Variants in GALNT18 observed in about 807,000 individuals in gnomAD.
The protein encoded by GALNT18 is polypeptide N-acetylgalactosaminyltransferase 18, also known as GalNAc-transferase 18.
Under a neutral mutation model 69.5 loss-of-function variants are expected in GALNT18, and 44 were observed. That is an observed-to-expected ratio of 0.63 (90% confidence interval 0.50 to 0.81). GALNT18 has a LOEUF of 0.81. GALNT18 is among the 40% of genes least tolerant of loss of function. GALNT18 has a pLI of 0.00. For synonymous variants in GALNT18, 364 were observed against 318.2 expected (o/e 1.14, Z -1.53); for missense variants, 715 against 810.0 (o/e 0.88, Z 1.42).
intron 1 of GALNT18, among the ~76,000 whole-genome samples, chr11:11,615,255 A>G (rs1011073643): frequency 1.3e-5 from 2 of 152,248 alleles, no homozygotes; most frequent in Admixed American, 6.5e-5. Context: ...GGAGACAGAA[A>G]AACATCCAAG....
Position 11,340,674 on chromosome 11 carries a change from A to G in GALNT18, c.1278+145T>C, listed in dbSNP as rs1241672061. The stretch of plus-strand genomic sequence containing the variant: ...CCTCATGGCCCCTTTTCTTCAGCAA[A>G]TAATATGTTTTGGGGTTGAGAGTCC... On this transcript the variant is annotated intron_variant, in intron 7 of 10. Coordinates refer to ENST00000227756, the MANE Select transcript of GALNT18 (RefSeq NM_198516.3). This position sits in a 1 kb window ranked among gnomAD's most constrained non-coding sequence, Gnocchi z 4.2. The G allele has an allele frequency of 5.7e-6, 4 of 697,160 alleles. No homozygotes were observed. Among genetic ancestry groups the G allele is most frequent in the Non-Finnish European group, 9.3e-6 (4 of 430,216 alleles). 43.2% of individuals were successfully genotyped at this position (697,160 alleles called of 1,614,324 possible). A position where few individuals can be genotyped will look rare whatever the true frequency, so the allele number is the denominator to read the frequency against.
rs1224006636 is a variant in GALNT18 at position 11,555,576 on chromosome 11, T to C, written c.235+65783A>G. Among the ~76,000 whole-genome samples, 1 of 152,212 alleles carries C rather than the reference T, an allele frequency of 6.6e-6. No homozygotes were observed. The highest frequency in any genetic ancestry group is 2.4e-5 in the African/African-American group (1 of 41,454). ...TCTAATCTCCAGAACTATGAGAGAA[T>C]AAATTCCTGTTGTTTTAAGCCACCC... is the stretch of plus-strand genomic sequence containing the variant. On this transcript the variant is annotated intron_variant, in intron 1 of 10. Coordinates refer to ENST00000227756, the MANE Select transcript of GALNT18 (RefSeq NM_198516.3). The surrounding 1 kb of genome is among the most constrained non-coding windows in gnomAD (Gnocchi z 4.7).
chr11:11,509,938 A>T (rs1428107042), intron 1 of GALNT18, among the ~76,000 whole-genome samples: 1 of 152,214 alleles, frequency 6.6e-6, no homozygotes, highest in Non-Finnish European at 1.5e-5. Context: ...TTTGTATAAG[A>T]CACAGCATCG....
chr11:11,280,835 C>G (rs890272469), intron 10 of GALNT18, among the ~76,000 whole-genome samples: 2 of 152,186 alleles, frequency 1.3e-5, no homozygotes, highest in Non-Finnish European at 2.9e-5. Context: ...TCAAGTTGTC[C>G]TCTCAAACTG....
At chr11:11,513,058 C>T (rs971835212) in intron 1 of GALNT18, among the ~76,000 whole-genome samples, 6 of 152,164 alleles carry the variant, frequency 3.9e-5, no homozygotes, top group African/African-American at 1.4e-4. Flanking sequence ...ACAACAGGCA[C>T]CCCTCCCTTC....
chr11:11,447,827 A>C, intron 2 of GALNT18, among the ~76,000 whole-genome samples: 1 of 152,352 alleles, frequency 6.6e-6, no homozygotes, highest in East Asian at 1.9e-4. Context: ...TATGGGAACT[A>C]CAATTCAAGA....
chr11:11,592,945 T>C lies in GALNT18; in HGVS notation c.235+28414A>G, dbSNP rs550175381. On this transcript the variant is annotated intron_variant, in intron 1 of 10. Coordinates refer to ENST00000227756, the MANE Select transcript of GALNT18 (RefSeq NM_198516.3). The surrounding 1 kb of genome is among the most constrained non-coding windows in gnomAD (Gnocchi z 5.9). ...TTTTTTTCTGTTTGTTTTTTGTTTT[T>C]GTCTCTGTCTCCCAGGCTGGAGTGC... is the stretch of plus-strand genomic sequence containing the variant. Among the ~76,000 whole-genome samples the C allele has an allele frequency of 6.6e-6, 1 of 152,186 alleles. No homozygotes were observed. The highest frequency in any genetic ancestry group is 1.5e-5 in the Non-Finnish European group (1 of 68,034).
chr11:11,587,833 A>G lies in GALNT18; in HGVS notation c.235+33526T>C, dbSNP rs1859262288. On this transcript the variant is annotated intron_variant, in intron 1 of 10. Transcript: ENST00000227756. This position sits in a 1 kb window ranked among gnomAD's most constrained non-coding sequence, Gnocchi z 4.4. ...CCCTTTCATTTCATGAACCTCTTCT[A>G]TGGTCCAAAGAATAATAAGAACACA... is the stretch of plus-strand genomic sequence containing the variant. Among the ~76,000 whole-genome samples, 1 of 151,994 alleles carries G rather than the reference A, an allele frequency of 6.6e-6. No homozygotes were observed. The highest frequency in any genetic ancestry group is 6.6e-5 in the Admixed American group (1 of 15,254).
rs1476021497 is a variant in GALNT18 at position 11,543,387 on chromosome 11, G to C, written c.235+77972C>G. Among the ~76,000 whole-genome samples the C allele has an allele frequency of 6.6e-6, 1 of 152,162 alleles. No individual in the cohort carries two copies. Among genetic ancestry groups the C allele is most frequent in the Non-Finnish European group, 1.5e-5 (1 of 68,028 alleles). On this transcript the variant is annotated intron_variant, in intron 1 of 10. Coordinates refer to ENST00000227756, the MANE Select transcript of GALNT18 (RefSeq NM_198516.3). This position sits in a 1 kb window ranked among gnomAD's most constrained non-coding sequence, Gnocchi z 5.1. ...GCTGGAGTGACAGGGACGTGGTGAG[G>C]ACAAAGGAGCCTCGATGGAGACCCA... is the stretch of plus-strand genomic sequence containing the variant.
chr11:11,431,328 T>C (rs1239556388), intron 3 of GALNT18, among the ~76,000 whole-genome samples: 1 of 152,140 alleles, frequency 6.6e-6, no homozygotes, highest in Non-Finnish European at 1.5e-5. Context: ...TCAGGCTGTC[T>C]GGCATTAGTC....
chr11:11,332,703 G>C lies in GALNT18; in HGVS notation c.1407C>G (p.Ala469=). The change falls in exon 8 of 11, where the codon GCC becomes GCG. Residue 469 remains alanine (A), a synonymous_variant. Transcript: ENST00000227756. This position sits in a 1 kb window ranked among gnomAD's most constrained non-coding sequence, Gnocchi z 4.3. ...GAGGCCAGCTCCTTACCACTCCATA[G>C]GCAATGATGTCGGAGTACATCCTCA... ...PEMRMYSDII[A]YGVLQNSLKT... is the part of the protein sequence containing the mutation. 6.2e-7 allele frequency: 1 copy of C among 1,614,128 alleles called. No individual in the cohort carries two copies. The highest frequency in any genetic ancestry group is 8.5e-7 in the Non-Finnish European group (1 of 1,180,000).
chr11:11,316,193 G>A (rs4910318), intron 9 of GALNT18, among the ~76,000 whole-genome samples: 26,159 of 152,104 alleles, frequency 0.17, 2,603 homozygotes, highest in Admixed American at 0.32. Context: ...ACACGCCACG[G>A]AGTCATGGAG....
At chr11:11,450,583 G>C (rs1209330879) in intron 1 of GALNT18, among the ~76,000 whole-genome samples, 1 of 152,184 alleles carries the variant, frequency 6.6e-6, no homozygotes, top group East Asian at 1.9e-4. Context: ...GATGCAAAAA[G>C]ATCTGTCAAC....
chr11:11,353,280 G>A, intron 6 of GALNT18: 2 of 814,628 alleles, frequency 2.5e-6, no homozygotes, highest in Non-Finnish European at 3.9e-6. Flanking sequence ...TGCTCACACA[G>A]ACAATATGGC....
intron 6 of GALNT18, among the ~76,000 whole-genome samples, chr11:11,358,446 T>C (rs1850577097): frequency 7.1e-6 from 1 of 140,558 alleles, no homozygotes; most frequent in South Asian, 2.2e-4. Flanking sequence ...GAAATATCAA[T>C]GCCATCTTTG....
intron 1 of GALNT18, among the ~76,000 whole-genome samples, chr11:11,534,441 C>T (rs1843307842): frequency 1.3e-5 from 2 of 152,224 alleles, no homozygotes; most frequent in Non-Finnish European, 2.9e-5. Context: ...CAGACATTTG[C>T]TCAATGCCAA....
intron 1 of GALNT18, among the ~76,000 whole-genome samples, chr11:11,452,585 C>T (rs1270215784): frequency 6.6e-6 from 1 of 152,196 alleles, no homozygotes; most frequent in African/African-American, 2.4e-5. Context: ...CTATGCTTAA[C>T]CAGACCTGGA....
At chr11:11,607,152 A>G (rs1000842140) in intron 1 of GALNT18, among the ~76,000 whole-genome samples, 4 of 152,250 alleles carry the variant, frequency 2.6e-5, no homozygotes, top group South Asian at 2.1e-4. Context: ...AAATCAATGC[A>G]TACTTTCTGT....
At chr11:11,308,315 C>T (rs1394343515) in intron 9 of GALNT18, among the ~76,000 whole-genome samples, 1 of 152,146 alleles carries the variant, frequency 6.6e-6, no homozygotes, top group Admixed American at 6.5e-5. Context: ...AGATATGTTA[C>T]TTTCAATAAA....
Sources: gnomAD v4.1 joint callset for allele counts (sites outside exome capture counted in the v4.1 genomes callset) on GRCh38, gnomAD v4.1.1 for gene constraint, Gnocchi (gnomAD v3.1) non-coding constraint, MANE v1.5 for transcripts, NCBI Gene and HGNC (gene_info 2026-07-23, HGNC 2026-07-21) for gene names.